Variants in CD6 observed in about 807,000 individuals in gnomAD.
The protein encoded by CD6 is CD6 molecule.
Under a neutral mutation model 75.3 loss-of-function variants are expected in CD6, and 53 were observed. The observed-to-expected ratio is 0.70, with a 90% CI of 0.56 to 0.88. CD6 has a LOEUF of 0.88. Among genes scored for constraint, CD6 ranks in the 40% least tolerant of loss-of-function variants. The pLI, the probability that CD6 is intolerant of heterozygous loss-of-function variation, is 0.00. For synonymous variants in CD6, 359 were observed against 381.5 expected (o/e 0.94, Z 0.69); for missense variants, 770 against 897.1 (o/e 0.86, Z 1.81).
In CD6 at chr11:61,018,244, G is replaced by A. The variant is rs781035510; in HGVS notation, c.1838-45G>A. On this transcript the variant is annotated intron_variant, in intron 11 of 12. Transcript: ENST00000313421. ...CCCCCCAGCTCTGGCAACTTGAGAA[G>A]TGGCTGTGTGCTGGCAGAGGGTGAC... 30 of 1,488,068 alleles carry A rather than the reference G, an allele frequency of 2.0e-5. No individual in the cohort carries two copies. In the African/African-American group the frequency reaches 3.9e-4, roughly 19 times the overall value. 92.2% of individuals were successfully genotyped at this position (1,488,068 alleles called of 1,614,324 possible).
In CD6 at chr11:61,015,803, C is replaced by G; in HGVS notation, c.1478C>G (p.Ala493Gly). ...GACTATGAGCACTATGACTTCAGCG[C>G]CCAGCCTCCTGTGGCCCTGACCACC... is the stretch of plus-strand genomic sequence containing the variant. ...DSDYEHYDFS[A>G]QPPVALTTFY... The change falls in exon 9 of 13, where the codon GCC (alanine) becomes GGC (glycine). Residue 493 changes from alanine to glycine, a missense_variant. Coordinates refer to ENST00000313421, the MANE Select transcript of CD6 (RefSeq NM_006725.5). 1 of 1,614,214 alleles carries G rather than the reference C, an allele frequency of 6.2e-7. No individual in the cohort carries two copies. The highest frequency in any genetic ancestry group is 1.1e-5 in the South Asian group (1 of 91,090).
At position 61,015,486 on chromosome 11, in the gene CD6, G is replaced by T. The variant is rs1207749334; in HGVS notation, c.1388-227G>T. 1.4e-5 allele frequency: 7 copies of T among 492,262 alleles called. No individual in the cohort carries two copies. The East Asian group carries it at 1.7e-4, about 12-fold the overall frequency. 30.5% of individuals were successfully genotyped at this position (492,262 alleles called of 1,614,324 possible). A position where few individuals can be genotyped will look rare whatever the true frequency, so the allele number is the denominator to read the frequency against. ...CTCGGGAGGCTGAGGTGGGAGGATC[G>T]CCTGAGCCCAGGAGGTCAATGCTGC... On this transcript the variant is annotated intron_variant, in intron 8 of 12. Transcript: ENST00000313421.
intron 1 of CD6, among the ~76,000 whole-genome samples, chr11:60,990,963 A>G (rs907388145): frequency 6.6e-6 from 1 of 151,884 alleles, no homozygotes; most frequent in African/African-American, 2.4e-5. Context: ...GAGTACTTCT[A>G]ATTTTCTTCT....
chr11:61,014,874 TA>T (rs1217503579), intron 8 of CD6, among the ~76,000 whole-genome samples: 2 of 152,156 alleles, frequency 1.3e-5, no homozygotes, highest in Non-Finnish European at 2.9e-5. Flanking sequence ...TTCAATGACA[TA>T]AAAACCAATA....
intron 9 of CD6, 81 bp from the exon 10 acceptor site, chr11:61,017,398 C>G: frequency 8.7e-7 from 1 of 1,151,798 alleles, no homozygotes; most frequent in Non-Finnish European, 1.3e-6. Context: ...ACCCAGGCCC[C>G]GGGAAATCCA....
chr11:61,007,588 C>A lies in CD6; in HGVS notation c.147C>A (p.Asn49Lys). Reference sequence around the variant, plus strand: ...AGCGGCTTCCGGTCCGTCTGACAAACGGGAGCAGCAGCTGCAGCGGGACGG... The same window carrying A: ...AGCGGCTTCCGGTCCGTCTGACAAAAGGGAGCAGCAGCTGCAGCGGGACGG... ...PGERLPVRLTNGSSSCSGTVE... is the reference protein window; with the variant it reads ...PGERLPVRLTKGSSSCSGTVE... Residue 49 changes from asparagine to lysine, a missense_variant, in exon 3 of 13, where the codon AAC (asparagine) becomes AAA (lysine). Asn to Lys is a moderately conservative substitution (Grantham distance 94). Transcript: ENST00000313421. The surrounding 1 kb of genome is among the most constrained non-coding windows in gnomAD (Gnocchi z 4.2). 2 of 1,502,928 alleles carry A rather than the reference C, an allele frequency of 1.3e-6. No individual in the cohort carries two copies. The highest frequency in any genetic ancestry group is 8.9e-7 in the Non-Finnish European group (1 of 1,125,840). 93.1% of individuals were successfully genotyped at this position (1,502,928 alleles called of 1,614,324 possible).
chr11:60,988,842 C>T lies in CD6; in HGVS notation c.49+16928C>T, dbSNP rs570374928. The stretch of plus-strand genomic sequence containing the variant: ...TCTGGGAGACCTAGAACCAGGGCCC[C>T]TCCTGAGAGCCAGTGGGTGGGGGCA... On this transcript the variant is annotated intron_variant, in intron 1 of 12. Transcript: ENST00000313421. Among the ~76,000 whole-genome samples the T allele has an allele frequency of 1.0e-3, 156 of 152,346 alleles. 2 individuals carry two copies. The highest frequency in any genetic ancestry group is 3.6e-3 in the African/African-American group (148 of 41,576).
Position 61,017,913 on chromosome 11 carries a change from G to A in CD6, c.1737G>A (p.Lys579=). 1 of 1,614,034 alleles carries A rather than the reference G, an allele frequency of 6.2e-7. No individual in the cohort carries two copies. Among genetic ancestry groups the A allele is most frequent in the Non-Finnish European group, 8.5e-7 (1 of 1,180,024 alleles). ...ATTACTGCAATAGTCCCAAAAGCAA[G>A]CTGCCTCCATGGAACCCCCAGGTGT... The part of the protein sequence containing the change: ...GEDYCNSPKS[K]LPPWNPQVFS... Residue 579 remains lysine, a synonymous_variant, in exon 11 of 13, where the codon AAG becomes AAA. Transcript: ENST00000313421.
At chr11:60,992,529 T>C (rs1435900207) in intron 1 of CD6, among the ~76,000 whole-genome samples, 1 of 152,060 alleles carries the variant, frequency 6.6e-6, no homozygotes, top group Admixed American at 6.6e-5. Flanking sequence ...ATGGGAATTC[T>C]AAAAGAGGGA....
At chr11:61,010,517 T>C (rs1859092417) in intron 5 of CD6, among the ~76,000 whole-genome samples, 1 of 152,218 alleles carries the variant, frequency 6.6e-6, no homozygotes, top group South Asian at 2.1e-4. Flanking sequence ...ATTTGCATTC[T>C]TACGGCATTC....
Position 61,008,610 on chromosome 11 carries a change from G to C in CD6, c.546G>C (p.Trp182Cys). The change falls in exon 4 of 13, where the codon TGG becomes TGC. Residue 182 changes from tryptophan (W) to cysteine (C), a missense_variant. By Grantham distance (215) the Trp-to-Cys change is radical. Coordinates refer to ENST00000313421, the MANE Select transcript of CD6 (RefSeq NM_006725.5). ...GRVEMLEHGE[W>C]GSVCDDTWDL... ...TGGAGATGCTGGAGCATGGCGAGTG[G>C]GGATCAGTGTGCGATGACACTTGGG... is the stretch of plus-strand genomic sequence containing the variant. 1 of 1,608,262 alleles carries C rather than the reference G, an allele frequency of 6.2e-7. No homozygotes were observed. Among genetic ancestry groups the C allele is most frequent in the Non-Finnish European group, 8.5e-7 (1 of 1,177,806 alleles).
At chr11:60,975,316 A>G (rs2905504) in intron 1 of CD6, among the ~76,000 whole-genome samples, 120,671 of 152,226 alleles carry the variant, frequency 0.79, 48,012 homozygotes, top group East Asian at 0.98. Flanking sequence ...AAATGTGATG[A>G]TAGTCCAAAT....
intron 9 of CD6, 53 bp downstream of exon 9, chr11:61,015,888 G>T (rs1302359543): frequency 1.2e-5 from 19 of 1,605,552 alleles, no homozygotes; most frequent in Non-Finnish European, 1.6e-5. Flanking sequence ...CTGGGAGGGG[G>T]CCCCGAGGGG....
chr11:61,007,923 C>A lies in CD6; in HGVS notation c.469+13C>A. On this transcript the variant is annotated intron_variant, in intron 3 of 12. Coordinates refer to ENST00000313421, the MANE Select transcript of CD6 (RefSeq NM_006725.5). The surrounding 1 kb of genome is among the most constrained non-coding windows in gnomAD (Gnocchi z 4.2). Reference sequence around the variant, plus strand: ...GTCACCTGTGCAGGTACGAGCGCACCCCCTACACGGGCCCCCACCTGCCCC... The same window carrying A: ...GTCACCTGTGCAGGTACGAGCGCACACCCTACACGGGCCCCCACCTGCCCC... 1 of 1,308,586 alleles carries A rather than the reference C, an allele frequency of 7.6e-7. No individual in the cohort carries two copies. 81.1% of individuals were successfully genotyped at this position (1,308,586 alleles called of 1,614,324 possible).
intron 1 of CD6, among the ~76,000 whole-genome samples, chr11:60,987,399 A>G (rs1271174069): frequency 6.6e-6 from 1 of 152,248 alleles, no homozygotes; most frequent in Non-Finnish European, 1.5e-5. Flanking sequence ...TGATGGCCTC[A>G]TGCTAACTTG....
chr11:61,005,077 A>G (rs1858784827), intron 1 of CD6, among the ~76,000 whole-genome samples: 1 of 152,254 alleles, frequency 6.6e-6, no homozygotes, highest in African/African-American at 2.4e-5. Flanking sequence ...CCTTGGAGAC[A>G]GTTTAAATCC....
chr11:61,006,658 C>T lies in CD6; in HGVS notation c.118+16C>T. 4 of 1,595,692 alleles carry T rather than the reference C, an allele frequency of 2.5e-6. No homozygotes were observed. Among genetic ancestry groups the T allele is most frequent in the Non-Finnish European group, 3.4e-6 (4 of 1,169,298 alleles). On this transcript the variant is annotated intron_variant, in intron 2 of 12. Transcript: ENST00000313421. ...TGGGAGCCAGGTGAGCAAACATTCC[C>T]TCTGGGGGTCCATGATCAGCTTTCT...
At chr11:60,991,149 C>CTTTTTTTTTTTTTTTTTTTTTTTTTTTT (rs58123378) in intron 1 of CD6, among the ~76,000 whole-genome samples, 2 of 114,714 alleles carry the variant, frequency 1.7e-5, no homozygotes, top group African/African-American at 3.3e-5. Context: ...CTTTTTCTTT[C>CTTTTTTTTTTTTTTTTTTTTTTTTTTTT]TTTTTTTTTT....
chr11:60,996,589 C>G, intron 1 of CD6, among the ~76,000 whole-genome samples: 1 of 152,318 alleles, frequency 6.6e-6, no homozygotes, highest in Middle Eastern at 3.4e-3. Flanking sequence ...CATCACTGCT[C>G]GGGACAAAAG....
Sources: gnomAD v4.1 joint callset for allele counts (sites outside exome capture counted in the v4.1 genomes callset) on GRCh38, gnomAD v4.1.1 for gene constraint, Gnocchi (gnomAD v3.1) non-coding constraint, MANE v1.5 for transcripts, NCBI Gene and HGNC (gene_info 2026-07-23, HGNC 2026-07-21) for gene names.